Variants in GRB2 observed in about 807,000 individuals in gnomAD.
GRB2 encodes the protein growth factor receptor bound protein 2, also known as growth factor receptor-bound protein 2.
GRB2 carries 2 observed loss-of-function variants against 27.4 expected under a neutral mutation model. The observed-to-expected ratio is 0.07, with a 90% CI of 0.03 to 0.23. The LOEUF (loss-of-function observed/expected upper bound fraction) is 0.23. GRB2 is among the 10% of genes least tolerant of loss of function. GRB2 has a pLI of 1.00. For synonymous variants in GRB2, 94 were observed against 99.6 expected, an observed-to-expected ratio of 0.94 and a Z score of 0.33; for missense variants, 102 against 282.4, an observed-to-expected ratio of 0.36 and a Z score of 4.58.
At chr17:75,354,061 G>C (rs1420798415) in intron 2 of GRB2, among the ~76,000 whole-genome samples, 2 of 151,950 alleles carry the variant, frequency 1.3e-5, no homozygotes, top group East Asian at 3.9e-4. Context: ...AAAAACGAAA[G>C]GGTGCGTGAG....
At chr17:75,350,639 C>T (rs1326656767) in intron 2 of GRB2, among the ~76,000 whole-genome samples, 1 of 152,150 alleles carries the variant, frequency 6.6e-6, no homozygotes, top group Non-Finnish European at 1.5e-5. Context: ...CTACAGGCAC[C>T]CGTCACCACG....
chr17:75,349,371 A>T (rs1167132447), intron 2 of GRB2, among the ~76,000 whole-genome samples: 2 of 152,152 alleles, frequency 1.3e-5, no homozygotes, highest in African/African-American at 4.8e-5. Flanking sequence ...AGATAAGACA[A>T]GCTGTCCTCC....
Position 75,321,830 on chromosome 17 carries a change from G to C in GRB2, c.300-3C>G. On this transcript the variant is annotated splice_polypyrimidine_tract_variant and splice_region_variant and intron_variant, in intron 4 of 5. Transcript: ENST00000316804. ...AGTGCTGCACATCGTTTCCAAACCT[G>C]GGAGGGACAGAAAGCACATGTGACC... 2 of 1,613,258 alleles carry C rather than the reference G, an allele frequency of 1.2e-6. No individual in the cohort carries two copies. Among genetic ancestry groups the C allele is most frequent in the East Asian group, 2.2e-5 (1 of 44,882 alleles).
chr17:75,355,962 C>G (rs1004058546), intron 2 of GRB2, among the ~76,000 whole-genome samples: 13 of 151,726 alleles, frequency 8.6e-5, no homozygotes, highest in African/African-American at 2.9e-4. Flanking sequence ...TCTCGAGTAG[C>G]TGGGACTACA....
intron 1 of GRB2, chr17:75,404,788 G>C (rs1287596819): frequency 6.6e-6 from 1 of 152,164 alleles, no homozygotes; most frequent in South Asian, 2.1e-4. Flanking sequence ...CACAGCGTTT[G>C]AAGCCAGCCT....
At position 75,385,498 on chromosome 17, in the gene GRB2, T is replaced by C. The variant is rs146458650; in HGVS notation, c.78+8053A>G. 4.3e-3 allele frequency among the ~76,000 whole-genome samples: 654 copies of C among 151,972 alleles called. 5 individuals are homozygous for C. Among genetic ancestry groups the C allele is most frequent in the African/African-American group, 0.015 (612 of 41,398 alleles). ...GTTGCAGTGAGCTGAGATTGTGCCATTGCACTCCAGCCTGAGCAACAAGAG... is the reference window on the plus strand; with the variant it reads ...GTTGCAGTGAGCTGAGATTGTGCCACTGCACTCCAGCCTGAGCAACAAGAG... On this transcript the variant is annotated intron_variant, in intron 2 of 5. Coordinates refer to ENST00000316804, the MANE Select transcript of GRB2 (RefSeq NM_002086.5).
intron 2 of GRB2, among the ~76,000 whole-genome samples, chr17:75,393,113 T>C (rs544102519): frequency 1.2e-4 from 18 of 152,312 alleles, no homozygotes; most frequent in African/African-American, 4.3e-4. Context: ...ATTTCTAACC[T>C]ACCAAAATCA....
rs1219790320 is a variant in GRB2, at chr17:75,393,861, G to T, written c.-137-96C>A. The T allele has an allele frequency of 4.3e-5, 23 of 537,944 alleles. No homozygotes were observed. In the East Asian group the frequency reaches 7.2e-4, roughly 17 times the overall value. The allele number at this position is 537,944 out of a possible 1,614,324, so 33.3% of individuals were successfully genotyped here. Reference sequence around the variant, plus strand: ...GCTGTCCCAGCCCCCACGCCCCCTGGCTCGGCCTGGCTCAGCCCTCCTCCC... The same window carrying T: ...GCTGTCCCAGCCCCCACGCCCCCTGTCTCGGCCTGGCTCAGCCCTCCTCCC... On this transcript the variant is annotated intron_variant, in intron 1 of 5. Coordinates refer to ENST00000316804, the MANE Select transcript of GRB2 (RefSeq NM_002086.5).
intron 2 of GRB2, among the ~76,000 whole-genome samples, chr17:75,356,203 T>A (rs760416057): frequency 6.6e-6 from 1 of 152,194 alleles, no homozygotes; most frequent in Non-Finnish European, 1.5e-5. Context: ...AATACTTCAA[T>A]ATACATATTA....
intron 2 of GRB2, among the ~76,000 whole-genome samples, chr17:75,368,874 C>G (rs1375462036): frequency 1.3e-5 from 2 of 152,156 alleles, no homozygotes; most frequent in African/African-American, 2.4e-5. Context: ...TTTCCACTAA[C>G]ATACTCCATC....
chr17:75,363,651 A>C (rs1166629549), intron 2 of GRB2, among the ~76,000 whole-genome samples: 2 of 151,852 alleles, frequency 1.3e-5, no homozygotes, highest in Non-Finnish European at 2.9e-5. Context: ...CCAAGTCAAG[A>C]GATCGAGACC....
chr17:75,342,906 T>C (rs1026857070), intron 2 of GRB2, among the ~76,000 whole-genome samples: 6 of 151,810 alleles, frequency 4.0e-5, no homozygotes, highest in Non-Finnish European at 2.9e-5. Flanking sequence ...ACAATTAGCC[T>C]GGCATGGTGG....
rs866375100 is a variant in GRB2, at chr17:75,355,509, G to A, written c.79-22712C>T. ...TACATTTATCCATCACATAAATCGG[G>A]GATGTCCAATCTTTTGGCTTCCCTG... On this transcript the variant is annotated intron_variant, in intron 2 of 5. Transcript: ENST00000316804. Among the ~76,000 whole-genome samples the A allele has an allele frequency of 2.6e-5, 4 of 151,608 alleles. No individual in the cohort carries two copies. In the South Asian group the frequency reaches 8.3e-4, roughly 31 times the overall value.
chr17:75,363,625 C>T (rs1209134878), intron 2 of GRB2, among the ~76,000 whole-genome samples: 2 of 110,858 alleles, frequency 1.8e-5, no homozygotes, highest in African/African-American at 2.5e-5. Context: ...TTTGGGAGGC[C>T]GAGGAGGGTG....
At chr17:75,358,592 C>T (rs150393772) in intron 2 of GRB2, among the ~76,000 whole-genome samples, 1,516 of 149,024 alleles carry the variant, frequency 0.01, 52 homozygotes, top group East Asian at 0.082. Context: ...GGGCCAGCCG[C>T]GGTTGGGCAT....
intron 3 of GRB2, among the ~76,000 whole-genome samples, chr17:75,328,344 A>G (rs548753786): frequency 9.3e-5 from 14 of 151,130 alleles, no homozygotes; most frequent in Non-Finnish European, 1.9e-4. Flanking sequence ...ATAAATAAAT[A>G]AAATAAAAAA....
At chr17:75,339,693 C>G (rs777354808) in intron 2 of GRB2, among the ~76,000 whole-genome samples, 1 of 149,914 alleles carries the variant, frequency 6.7e-6, no homozygotes, top group South Asian at 2.1e-4. Context: ...ATGGCGCCAT[C>G]TCAGCTCACT....
chr17:75,343,686 A>AT (rs11444518), intron 2 of GRB2, among the ~76,000 whole-genome samples: 93,706 of 151,982 alleles, frequency 0.62, 33,167 homozygotes, highest in East Asian at 0.87. Flanking sequence ...TGCATAGACA[A>AT]ACCCCAAAAT....
intron 2 of GRB2, among the ~76,000 whole-genome samples, chr17:75,341,366 C>T (rs1598226198): frequency 1.4e-5 from 2 of 147,874 alleles, no homozygotes; most frequent in Admixed American, 6.8e-5. Flanking sequence ...GCAGGAGAAT[C>T]GCTTGAAACC....
Sources: allele counts gnomAD v4.1 joint callset (sites outside exome capture counted in the v4.1 genomes callset), GRCh38; gene constraint gnomAD v4.1.1; transcripts MANE v1.5; gene names NCBI Gene and HGNC (gene_info 2026-07-23, HGNC 2026-07-21).